BRINP3: variants seen among roughly 807,000 people sequenced by gnomAD.
BRINP3 encodes the protein BMP/retinoic acid-inducible neural-specific protein 3.
A neutral mutation model predicts 71.0 loss-of-function variants in BRINP3; 19 were observed. The ratio of observed to expected loss-of-function variants is 0.27; its 90% CI spans 0.19 to 0.39. BRINP3 has a LOEUF of 0.39. Ranked by LOEUF, BRINP3 falls within the 10% of genes least tolerant of loss-of-function variation. BRINP3 has a pLI of 1.00. For missense variants in BRINP3, 959 were observed against 940.8 expected, an observed-to-expected ratio of 1.02 and a Z score of -0.25; for synonymous variants, 380 against 337.7, an observed-to-expected ratio of 1.13 and a Z score of -1.37.
intron 7 of BRINP3, among the ~76,000 whole-genome samples, chr1:190,117,291 G>A (rs577733141): frequency 1.3e-5 from 2 of 152,068 alleles, no homozygotes; most frequent in South Asian, 4.1e-4. Flanking sequence ...AGATTTATAA[G>A]TATTTATTAA....
rs1553283748 is a variant in BRINP3 at position 190,301,210 on chromosome 1, T to TATACACACATAC, written c.237-19461_237-19460insGTATGTGTGTAT. ...ATGTATATATATACACATACATATA[T>TATACACACATAC]ATATATATATATATATATATATATA... is the stretch of plus-strand genomic sequence containing the variant. On this transcript the variant is annotated intron_variant, in intron 2 of 7. Transcript: ENST00000367462. Among the ~76,000 whole-genome samples, 666 of 107,810 alleles carry TATACACACATAC rather than the reference T, an allele frequency of 6.2e-3. 29 individuals are homozygous for TATACACACATAC. In the East Asian group the frequency reaches 0.094, roughly 15 times the overall value. 70.7% of individuals were successfully genotyped at this position (107,810 alleles called of 152,430 possible). A position where few individuals can be genotyped will look rare whatever the true frequency, so the allele number is the denominator to read the frequency against.
chr1:190,342,981 A>G (rs1487218620), intron 2 of BRINP3, among the ~76,000 whole-genome samples: 2 of 151,950 alleles, frequency 1.3e-5, no homozygotes, highest in Non-Finnish European at 1.5e-5. Flanking sequence ...AAGGAGGTAG[A>G]CTTCATTCAG....
intron 2 of BRINP3, among the ~76,000 whole-genome samples, chr1:190,433,992 T>C (rs1429147781): frequency 6.6e-6 from 1 of 152,186 alleles, no homozygotes. Flanking sequence ...GGTTAAAAAT[T>C]ATAACTAATA....
intron 2 of BRINP3, among the ~76,000 whole-genome samples, chr1:190,450,984 G>C (rs1675567670): frequency 6.6e-6 from 1 of 151,880 alleles, no homozygotes; most frequent in African/African-American, 2.4e-5. Flanking sequence ...TGACTGAAAA[G>C]ACCAGTAAGT....
chr1:190,235,132 C>G (rs1658391820), intron 4 of BRINP3, among the ~76,000 whole-genome samples: 1 of 152,084 alleles, frequency 6.6e-6, no homozygotes, highest in African/African-American at 2.4e-5. Flanking sequence ...CAAAATTAAG[C>G]TCATGTTCAA....
intron 5 of BRINP3, among the ~76,000 whole-genome samples, chr1:190,231,375 C>T (rs902909458): frequency 1.3e-5 from 2 of 151,726 alleles, no homozygotes; most frequent in African/African-American, 4.8e-5. Flanking sequence ...ATTTAATCAT[C>T]CACCTTAAAA....
intron 7 of BRINP3, among the ~76,000 whole-genome samples, chr1:190,160,251 T>C (rs1209083467): frequency 6.6e-6 from 1 of 152,066 alleles, no homozygotes; most frequent in Non-Finnish European, 1.5e-5. Flanking sequence ...TTCTATACAC[T>C]GGTTATAGAA....
chr1:190,184,163 C>T (rs1443153246), intron 6 of BRINP3, among the ~76,000 whole-genome samples: 1 of 152,128 alleles, frequency 6.6e-6, no homozygotes, highest in Non-Finnish European at 1.5e-5. Context: ...AATGTCTCTG[C>T]ACTTCTTAAA....
chr1:190,454,965 G>A (rs1675891759), intron 1 of BRINP3, 25 bp from the exon 2 acceptor site: 1 of 1,140,226 alleles, frequency 8.8e-7, no homozygotes, highest in East Asian at 2.5e-5. Flanking sequence ...CAGGCAATTA[G>A]TTAACTCCTA....
chr1:190,333,537 T>C (rs940287766), intron 2 of BRINP3, among the ~76,000 whole-genome samples: 2 of 152,010 alleles, frequency 1.3e-5, no homozygotes, highest in African/African-American at 2.4e-5. Context: ...TGTTCAAATA[T>C]ATTAATGATC....
intron 2 of BRINP3, among the ~76,000 whole-genome samples, chr1:190,319,186 G>A (rs1230948635): frequency 6.6e-6 from 1 of 151,996 alleles, no homozygotes. Flanking sequence ...CCATCCTTTA[G>A]GATCTAAACC....
intron 2 of BRINP3, among the ~76,000 whole-genome samples, chr1:190,320,743 A>G (rs1666182700): frequency 6.6e-6 from 1 of 151,990 alleles, no homozygotes; most frequent in Non-Finnish European, 1.5e-5. Flanking sequence ...CCTAATGTGC[A>G]TATCTTTGGG....
At chr1:190,179,518 ATT>A (rs1336671341) in intron 6 of BRINP3, among the ~76,000 whole-genome samples, 5 of 151,960 alleles carry the variant, frequency 3.3e-5, no homozygotes, top group Non-Finnish European at 7.4e-5. Flanking sequence ...TTGACTTTCC[ATT>A]TTTTCTACAC....
chr1:190,430,659 A>G (rs1263160732), intron 2 of BRINP3, among the ~76,000 whole-genome samples: 1 of 152,196 alleles, frequency 6.6e-6, no homozygotes, highest in Non-Finnish European at 1.5e-5. Context: ...TAAGCTGTGC[A>G]ACTTCAACTA....
intron 1 of BRINP3, among the ~76,000 whole-genome samples, chr1:190,462,146 A>T (rs1448874301): frequency 6.6e-6 from 1 of 152,076 alleles, no homozygotes; most frequent in Non-Finnish European, 1.5e-5. Context: ...TCCTGATTTC[A>T]GGTAATCCAC....
intron 3 of BRINP3, among the ~76,000 whole-genome samples, chr1:190,276,119 C>A (rs1410494761): frequency 6.6e-6 from 1 of 151,330 alleles, no homozygotes; most frequent in Admixed American, 6.6e-5. Context: ...TAGGAATCTT[C>A]AAAAATATTT....
chr1:190,110,770 T>C (rs1192482496), intron 7 of BRINP3, among the ~76,000 whole-genome samples: 1 of 152,026 alleles, frequency 6.6e-6, no homozygotes, highest in African/African-American at 2.4e-5. Flanking sequence ...CTATATTCCA[T>C]GAAAAAAAAT....
intron 2 of BRINP3, among the ~76,000 whole-genome samples, chr1:190,318,095 T>A (rs1666006609): frequency 6.6e-6 from 1 of 152,046 alleles, no homozygotes; most frequent in Non-Finnish European, 1.5e-5. Context: ...GGTAAATAAT[T>A]GAACAAGGAA....
intron 7 of BRINP3, among the ~76,000 whole-genome samples, chr1:190,125,858 G>A (rs544390599): frequency 6.6e-6 from 1 of 152,072 alleles, no homozygotes; most frequent in African/African-American, 2.4e-5. Context: ...TAGGGAAGAA[G>A]CAGGCTCTCT....
Sources: gnomAD v4.1 joint callset for allele counts (sites outside exome capture counted in the v4.1 genomes callset) on GRCh38, gnomAD v4.1.1 for gene constraint, MANE v1.5 for transcripts, NCBI Gene and HGNC (gene_info 2026-07-23, HGNC 2026-07-21) for gene names.